NIBAN1: variants seen among roughly 807,000 people sequenced by gnomAD.
NIBAN1 encodes niban apoptosis regulator 1.
A neutral mutation model predicts 75.1 loss-of-function variants in NIBAN1; 81 were observed. The observed-to-expected ratio is 1.08, with a 90% confidence interval of 0.90 to 1.30. The LOEUF is 1.30. NIBAN1 is among the 50% of genes most tolerant of loss of function. The pLI, the probability that NIBAN1 is intolerant of heterozygous loss-of-function variation, is 0.00. For missense variants in NIBAN1, 1,133 were observed against 1,128.1 expected, an observed-to-expected ratio of 1.00 and a Z score of -0.06; for synonymous variants, 436 against 424.8, an observed-to-expected ratio of 1.03 and a Z score of -0.32.
At chr1:184,970,067 G>A (rs1348259719) in intron 1 of NIBAN1, among the ~76,000 whole-genome samples, 1 of 151,770 alleles carries the variant, frequency 6.6e-6, no homozygotes, top group Non-Finnish European at 1.5e-5. Context: ...TACTAAGGAG[G>A]GTGAGGTGGG....
rs534838720 is a variant in NIBAN1 at position 184,818,851 on chromosome 1, C to T, written c.986-26G>A. 2.7e-4 allele frequency: 423 copies of T among 1,556,232 alleles called. 6 individuals carry two copies. The South Asian group carries it at 4.6e-3, about 17-fold the overall frequency. On this transcript the variant is annotated intron_variant, in intron 8 of 13. Coordinates refer to ENST00000367511, the MANE Select transcript of NIBAN1 (RefSeq NM_052966.4). ...CTGAGGTAGGAAATAGCCAAAAAACCGTGACATATGGCAAAACTGGGTTTG... is the reference window on the plus strand; with the variant it reads ...CTGAGGTAGGAAATAGCCAAAAAACTGTGACATATGGCAAAACTGGGTTTG...
At chr1:184,888,583 G>T (rs888869991) in intron 4 of NIBAN1, among the ~76,000 whole-genome samples, 95 of 152,262 alleles carry the variant, frequency 6.2e-4, no homozygotes, top group African/African-American at 2.2e-3. Flanking sequence ...AAAGTCAGAA[G>T]GTCACAACAC....
At chr1:184,892,513 T>C (rs1445048248) in intron 3 of NIBAN1, among the ~76,000 whole-genome samples, 1 of 152,204 alleles carries the variant, frequency 6.6e-6, no homozygotes, top group Non-Finnish European at 1.5e-5. Context: ...ACTTTGTTGC[T>C]GAGTACAAAT....
intron 10 of NIBAN1, among the ~76,000 whole-genome samples, chr1:184,807,817 G>A (rs919391715): frequency 2.0e-5 from 3 of 152,132 alleles, no homozygotes; most frequent in African/African-American, 7.2e-5. Flanking sequence ...CAAGGTTACA[G>A]CACTGATTTG....
At chr1:184,854,039 T>G (rs529830609) in intron 5 of NIBAN1, among the ~76,000 whole-genome samples, 9 of 152,324 alleles carry the variant, frequency 5.9e-5, no homozygotes, top group South Asian at 4.1e-4. Context: ...ATCTGAAATA[T>G]GTGATCAATA....
intron 1 of NIBAN1, among the ~76,000 whole-genome samples, chr1:184,956,035 T>TTG (rs1413239251): frequency 1.4e-5 from 2 of 143,064 alleles, no homozygotes; most frequent in African/African-American, 5.2e-5. Context: ...TTTTGTTTGT[T>TTG]TTTTTTTTTT....
intron 1 of NIBAN1, among the ~76,000 whole-genome samples, chr1:184,971,398 A>G (rs1327529839): frequency 6.6e-6 from 1 of 152,092 alleles, no homozygotes; most frequent in Non-Finnish European, 1.5e-5. Flanking sequence ...TTGGCTGGGC[A>G]CGGTATCTCA....
At chr1:184,894,352 C>G in intron 2 of NIBAN1, 146 bp from the exon 3 acceptor site, 1 of 781,542 alleles carries the variant, frequency 1.3e-6, no homozygotes, top group East Asian at 3.0e-5. Context: ...TCCTCTCCCC[C>G]CACAATTTCC....
chr1:184,835,098 G>A (rs1655102223), intron 5 of NIBAN1, among the ~76,000 whole-genome samples: 1 of 152,126 alleles, frequency 6.6e-6, no homozygotes, highest in African/African-American at 2.4e-5. Flanking sequence ...ATTAAATAGG[G>A]AATCTTTTCC....
chr1:184,808,142 G>A lies in NIBAN1; in HGVS notation c.1267C>T (p.Leu423Phe). The A allele has an allele frequency of 6.2e-7, 1 of 1,614,080 alleles. No individual in the cohort carries two copies. Among genetic ancestry groups the A allele is most frequent in the Non-Finnish European group, 8.5e-7 (1 of 1,179,996 alleles). ...VNLLHERLQD[L>F]KSRFRFPHID... ...TGGGGGAATCTGAAGCGGCTCTTGA[G>A]ATCCTGCAGGCGCTCGTGAAGCAGG... The change falls in exon 10 of 14, where the codon CTC becomes TTC. Residue 423 changes from leucine to phenylalanine, a missense_variant. Leu to Phe is a conservative substitution (Grantham distance 22). Coordinates refer to ENST00000367511, the MANE Select transcript of NIBAN1 (RefSeq NM_052966.4).
At chr1:184,921,982 G>A (rs545616936) in intron 1 of NIBAN1, among the ~76,000 whole-genome samples, 4 of 152,206 alleles carry the variant, frequency 2.6e-5, no homozygotes, top group African/African-American at 9.6e-5. Flanking sequence ...TAACACACAA[G>A]TCCTTTGAAA....
At chr1:184,843,815 T>C (rs1655362074) in intron 5 of NIBAN1, among the ~76,000 whole-genome samples, 1 of 152,196 alleles carries the variant, frequency 6.6e-6, no homozygotes, top group Non-Finnish European at 1.5e-5. Context: ...AATTCCCTCT[T>C]TAAAAATGTG....
intron 5 of NIBAN1, among the ~76,000 whole-genome samples, chr1:184,840,900 G>C (rs1252545054): frequency 6.6e-6 from 1 of 151,870 alleles, no homozygotes; most frequent in Non-Finnish European, 1.5e-5. Flanking sequence ...ACATCCTGGA[G>C]GGAAATCTCC....
At chr1:184,922,886 C>T (rs923064073) in intron 1 of NIBAN1, among the ~76,000 whole-genome samples, 4 of 152,146 alleles carry the variant, frequency 2.6e-5, no homozygotes, top group African/African-American at 4.8e-5. Context: ...GGATTACAGA[C>T]GTGAGTTAAA....
chr1:184,871,051 G>A (rs1428610780), intron 5 of NIBAN1, among the ~76,000 whole-genome samples: 3 of 152,060 alleles, frequency 2.0e-5, no homozygotes, highest in Admixed American at 6.6e-5. Context: ...CCTTATAAAA[G>A]AGGAAAATGT....
At chr1:184,827,756 G>C (rs1024153818) in intron 6 of NIBAN1, among the ~76,000 whole-genome samples, 1 of 151,832 alleles carries the variant, frequency 6.6e-6, no homozygotes, top group African/African-American at 2.4e-5. Context: ...GAGCTGTCAG[G>C]AAGGTGTGGG....
At chr1:184,864,686 C>G (rs1655903451) in intron 5 of NIBAN1, among the ~76,000 whole-genome samples, 1 of 151,946 alleles carries the variant, frequency 6.6e-6, no homozygotes, top group Non-Finnish European at 1.5e-5. Context: ...TATTCACAAA[C>G]TAGACATCTA....
intron 1 of NIBAN1, among the ~76,000 whole-genome samples, chr1:184,902,966 A>G (rs962192519): frequency 6.6e-6 from 1 of 152,268 alleles, no homozygotes; most frequent in African/African-American, 2.4e-5. Flanking sequence ...ACTATTTAAT[A>G]TTCCACAATG....
intron 5 of NIBAN1, among the ~76,000 whole-genome samples, chr1:184,832,309 C>T (rs1243569277): frequency 2.0e-5 from 3 of 152,222 alleles, no homozygotes; most frequent in Non-Finnish European, 4.4e-5. Flanking sequence ...CTCAGAAAGG[C>T]CGTCCCTTAA....
Sources: allele counts gnomAD v4.1 joint callset (sites outside exome capture counted in the v4.1 genomes callset), GRCh38; gene constraint gnomAD v4.1.1; transcripts MANE v1.5; gene names NCBI Gene and HGNC (gene_info 2026-07-23, HGNC 2026-07-21).